Variants in FOXN3 observed in about 807,000 individuals in gnomAD.
FOXN3 encodes forkhead box N3.
A neutral mutation model predicts 38.4 loss-of-function variants in FOXN3; 7 were observed. That is an observed-to-expected ratio of 0.18 (90% CI 0.10 to 0.34). FOXN3 has a LOEUF of 0.34. FOXN3 is among the 10% of genes least tolerant of loss of function. FOXN3 has a pLI of 1.00. For missense variants in FOXN3, 456 were observed against 613.4 expected, an observed-to-expected ratio of 0.74 and a Z score of 2.71; for synonymous variants, 230 against 242.2, an observed-to-expected ratio of 0.95 and a Z score of 0.47.
At chr14:89,266,801 C>T (rs746303571) in intron 4 of FOXN3, among the ~76,000 whole-genome samples, 33 of 152,060 alleles carry the variant, frequency 2.2e-4, no homozygotes, top group Admixed American at 3.9e-4. Flanking sequence ...CCCTCCTGAC[C>T]GGCTCAATAT....
At chr14:89,340,105 G>C (rs1030228302) in intron 3 of FOXN3, among the ~76,000 whole-genome samples, 18 of 151,936 alleles carry the variant, frequency 1.2e-4, no homozygotes, top group African/African-American at 4.4e-4. Flanking sequence ...AGAAGGAAGG[G>C]GGGTGCAGGG....
intron 3 of FOXN3, among the ~76,000 whole-genome samples, chr14:89,292,969 G>A (rs1886921904): frequency 6.6e-6 from 1 of 152,194 alleles, no homozygotes; most frequent in Non-Finnish European, 1.5e-5. Context: ...CTCCTGGCCT[G>A]GGTTCGGCTC....
intron 1 of FOXN3, among the ~76,000 whole-genome samples, chr14:89,415,781 C>A (rs1384760624): frequency 6.7e-6 from 1 of 150,046 alleles, no homozygotes; most frequent in Admixed American, 6.7e-5. Flanking sequence ...TAATCTGCTG[C>A]CAACAAGGCT....
intron 1 of FOXN3, among the ~76,000 whole-genome samples, chr14:89,500,656 T>G (rs1023991206): frequency 6.6e-6 from 1 of 152,212 alleles, no homozygotes; most frequent in South Asian, 2.1e-4. Context: ...ATGGTTCTTG[T>G]TACCCTCTGG....
At chr14:89,493,349 A>G (rs1200440621) in intron 1 of FOXN3, among the ~76,000 whole-genome samples, 1 of 152,206 alleles carries the variant, frequency 6.6e-6, no homozygotes, top group Non-Finnish European at 1.5e-5. Context: ...TTAACCTAAT[A>G]CCTAGGCTGC....
At chr14:89,358,786 G>T (rs1228096928) in intron 2 of FOXN3, among the ~76,000 whole-genome samples, 1 of 152,184 alleles carries the variant, frequency 6.6e-6, no homozygotes, top group East Asian at 1.9e-4. Flanking sequence ...TTTCAAAGGG[G>T]AGCCCTTACT....
intron 1 of FOXN3, chr14:89,618,969 C>A (rs899813533): frequency 6.6e-6 from 1 of 152,400 alleles, no homozygotes; most frequent in African/African-American, 2.4e-5. Context: ...GAGGGCTTCT[C>A]GTGACAATGC....
rs376793981 is a variant in FOXN3, at chr14:89,357,073, C to T, written c.544-6265G>A. 5.3e-5 allele frequency among the ~76,000 whole-genome samples: 8 copies of T among 152,192 alleles called. No homozygotes were observed. The East Asian group carries it at 1.2e-3, about 22-fold the overall frequency. ...GACAGCTCCCGAATGTACTCTGAGGCCAGTTAGCGGCTCACACCTGTAATC... is the reference window on the plus strand; with the variant it reads ...GACAGCTCCCGAATGTACTCTGAGGTCAGTTAGCGGCTCACACCTGTAATC... On this transcript the variant is annotated intron_variant, in intron 2 of 5. Transcript: ENST00000557258.
chr14:89,500,168 C>A (rs1893766993), intron 1 of FOXN3, among the ~76,000 whole-genome samples: 1 of 152,092 alleles, frequency 6.6e-6, no homozygotes, highest in African/African-American at 2.4e-5. Context: ...GGGTTTTTTA[C>A]ACCATGAATT....
intron 4 of FOXN3, among the ~76,000 whole-genome samples, chr14:89,242,632 C>A (rs967325612): frequency 1.7e-4 from 26 of 152,080 alleles, no homozygotes; most frequent in Non-Finnish European, 2.4e-4. Context: ...ATAATCATCA[C>A]GGGATATGCA....
chr14:89,596,869 A>G (rs1311534392), intron 1 of FOXN3, among the ~76,000 whole-genome samples: 1 of 151,224 alleles, frequency 6.6e-6, no homozygotes, highest in African/African-American at 2.4e-5. Context: ...TTCATTCCTC[A>G]TAGTTGTTGT....
At chr14:89,289,444 C>A (rs571065819) in intron 3 of FOXN3, among the ~76,000 whole-genome samples, 10 of 152,256 alleles carry the variant, frequency 6.6e-5, no homozygotes, top group African/African-American at 2.2e-4. Context: ...AATTGGAAAA[C>A]AGACACTGAG....
intron 1 of FOXN3, among the ~76,000 whole-genome samples, chr14:89,433,477 A>G (rs2140115520): frequency 6.6e-6 from 1 of 150,892 alleles, no homozygotes; most frequent in South Asian, 2.1e-4. Context: ...GCGAGACTCC[A>G]TCTCAAACAA....
chr14:89,418,391 T>C (rs146113966), upstream of FOXN3, among the ~76,000 whole-genome samples: 1 of 150,664 alleles, frequency 6.6e-6, no homozygotes, highest in East Asian at 2.0e-4. Context: ...TTCTGAAAAT[T>C]TTTTCTGTCT....
chr14:89,430,909 G>A (rs1486487658), intron 1 of FOXN3, among the ~76,000 whole-genome samples: 2 of 152,162 alleles, frequency 1.3e-5, no homozygotes, highest in African/African-American at 2.4e-5. Flanking sequence ...TCTTGGGCCG[G>A]GGATCTTGCT....
At chr14:89,263,183 C>T (rs1885863498) in intron 4 of FOXN3, among the ~76,000 whole-genome samples, 1 of 152,184 alleles carries the variant, frequency 6.6e-6, no homozygotes, top group South Asian at 2.1e-4. Context: ...GAAAGAGAAA[C>T]CACTTTTGTC....
chr14:89,187,888 T>C (rs929348297), intron 4 of FOXN3, among the ~76,000 whole-genome samples: 1 of 152,170 alleles, frequency 6.6e-6, no homozygotes. Flanking sequence ...TACTTGCCCT[T>C]GACCTCCAGG....
intron 1 of FOXN3, among the ~76,000 whole-genome samples, chr14:89,463,831 C>T (rs1166088505): frequency 6.7e-6 from 1 of 148,292 alleles, no homozygotes; most frequent in Admixed American, 6.9e-5. Flanking sequence ...GTCACTCAGA[C>T]TGGAGTGCAG....
chr14:89,430,851 G>C (rs1892140039), intron 1 of FOXN3, among the ~76,000 whole-genome samples: 1 of 152,184 alleles, frequency 6.6e-6, no homozygotes, highest in Non-Finnish European at 1.5e-5. Context: ...GTTTAAAGCT[G>C]AATTGTGCCC....
Sources: gnomAD v4.1 joint callset for allele counts (sites outside exome capture counted in the v4.1 genomes callset) on GRCh38, gnomAD v4.1.1 for gene constraint, MANE v1.5 for transcripts, NCBI Gene and HGNC (gene_info 2026-07-23, HGNC 2026-07-21) for gene names.